Variants in STK32B observed in about 807,000 individuals in gnomAD.
The protein encoded by STK32B is serine/threonine-protein kinase 32B.
A neutral mutation model predicts 52.6 loss-of-function variants in STK32B; 43 were observed. That is an observed-to-expected ratio of 0.82 (90% CI 0.64 to 1.05). The LOEUF is 1.05. Ranked by LOEUF, STK32B falls within the 50% of genes least tolerant of loss-of-function variation. The pLI, the probability that STK32B is intolerant of heterozygous loss-of-function variation, is 0.00. For synonymous variants in STK32B, 238 were observed against 204.3 expected (o/e 1.17, Z -1.41); for missense variants, 621 against 534.6 (o/e 1.16, Z -1.59).
At chr4:5,490,868 C>CCAATTT (rs1719669894) in intron 11 of STK32B, among the ~76,000 whole-genome samples, 1 of 152,110 alleles carries the variant, frequency 6.6e-6, no homozygotes, top group Non-Finnish European at 1.5e-5. Flanking sequence ...ATGATGATTT[C>CCAATTT]CAATTTCATC....
chr4:5,189,680 T>C (rs184492513), intron 3 of STK32B, among the ~76,000 whole-genome samples: 229 of 152,218 alleles, frequency 1.5e-3, no homozygotes, highest in Non-Finnish European at 2.8e-3. Context: ...CTAAGGAAAA[T>C]GATTGCTGGA....
Position 5,055,867 on chromosome 4 carries a change from A to AT in STK32B, c.52+3961dup, listed in dbSNP as rs951030658. ...CATTCCAAATCCTTTTCCTTGCTTT[A>AT]TTTTTTTTTGTGGAAATTATCACCA... On this transcript the variant is annotated intron_variant, in intron 1 of 11. Coordinates refer to ENST00000282908, the MANE Select transcript of STK32B (RefSeq NM_018401.3). 4.9e-4 allele frequency among the ~76,000 whole-genome samples: 44 copies of AT among 90,564 alleles called. No homozygotes were observed. The East Asian group carries it at 7.3e-3, about 15-fold the overall frequency. The allele number at this position is 90,564 out of a possible 152,430, so 59.4% of individuals were successfully genotyped here.
Position 5,142,090 on chromosome 4 carries a change from A to T in STK32B, c.108+2130A>T, listed in dbSNP as rs575949179. ...TCTTCCGGTAGAGAAGGGCAGGAGG[A>T]TAGTTTGGGTGGGCACAGAAAAGTG... is the stretch of plus-strand genomic sequence containing the variant. On this transcript the variant is annotated intron_variant, in intron 2 of 11. Transcript: ENST00000282908. Among the ~76,000 whole-genome samples the T allele has an allele frequency of 1.1e-4, 17 of 152,282 alleles. No homozygotes were observed. The East Asian group carries it at 3.3e-3, about 29-fold the overall frequency.
At chr4:5,297,195 T>G (rs1489663302) in intron 3 of STK32B, among the ~76,000 whole-genome samples, 2 of 152,222 alleles carry the variant, frequency 1.3e-5, no homozygotes, top group Non-Finnish European at 2.9e-5. Flanking sequence ...CCTTTCTCTC[T>G]GGCTGCCCTT....
At chr4:5,155,408 C>G (rs964874897) in intron 2 of STK32B, among the ~76,000 whole-genome samples, 1 of 152,200 alleles carries the variant, frequency 6.6e-6, no homozygotes, top group Non-Finnish European at 1.5e-5. Flanking sequence ...TGTTTTATCC[C>G]TAGCTCCTGC....
Position 5,378,740 on chromosome 4 carries a change from G to A in STK32B, c.435-19467G>A, listed in dbSNP as rs1735739942. Among the ~76,000 whole-genome samples, 2 of 152,176 alleles carry A rather than the reference G, an allele frequency of 1.3e-5. No individual in the cohort carries two copies. The highest frequency in any genetic ancestry group is 1.3e-4 in the Admixed American group (2 of 15,282). ...CATTTTAGTCAGCACACCTGCTGCT[G>A]GTTGGTGGAAATGTCTTTGAGAAAC... On this transcript the variant is annotated intron_variant, in intron 4 of 11. Transcript: ENST00000282908. The surrounding 1 kb of genome is among the most constrained non-coding windows in gnomAD (Gnocchi z 4.4).
chr4:5,221,612 C>G (rs531299356), intron 3 of STK32B, among the ~76,000 whole-genome samples: 2 of 152,272 alleles, frequency 1.3e-5, no homozygotes, highest in East Asian at 3.9e-4. Context: ...TTCATTCCTA[C>G]TATGGTTTTA....
chr4:5,286,271 C>T (rs1244696062), intron 3 of STK32B, among the ~76,000 whole-genome samples: 1 of 152,188 alleles, frequency 6.6e-6, no homozygotes, highest in Non-Finnish European at 1.5e-5. Flanking sequence ...CAAAACTAGA[C>T]TTCTCAATAA....
chr4:5,308,584 GTCAC>G (rs1190810050), intron 3 of STK32B, among the ~76,000 whole-genome samples: 4 of 152,126 alleles, frequency 2.6e-5, no homozygotes, highest in African/African-American at 7.2e-5. Flanking sequence ...CATTCATTTA[GTCAC>G]TCATTCATAT....
intron 1 of STK32B, among the ~76,000 whole-genome samples, chr4:5,101,793 G>A (rs1056157720): frequency 6.6e-6 from 1 of 152,148 alleles, no homozygotes; most frequent in African/African-American, 2.4e-5. Context: ...ACTCAGAAGC[G>A]TGCCTTTCAA....
intron 8 of STK32B, among the ~76,000 whole-genome samples, chr4:5,457,681 A>G (rs1297390377): frequency 6.6e-6 from 1 of 151,118 alleles, no homozygotes; most frequent in African/African-American, 2.4e-5. Context: ...CAGCCTGGCC[A>G]GCATGGAGAA....
chr4:5,343,441 T>C (rs964467914), intron 4 of STK32B, among the ~76,000 whole-genome samples: 2 of 152,178 alleles, frequency 1.3e-5, no homozygotes, highest in African/African-American at 4.8e-5. Flanking sequence ...AGTAGCATGA[T>C]TTATAATCCT....
At chr4:5,081,187 A>G (rs1225731710) in intron 1 of STK32B, among the ~76,000 whole-genome samples, 3 of 152,130 alleles carry the variant, frequency 2.0e-5, no homozygotes, top group Admixed American at 1.3e-4. Context: ...TACGTTTAAT[A>G]TATATATACA....
intron 1 of STK32B, among the ~76,000 whole-genome samples, chr4:5,097,887 G>A (rs534103497): frequency 6.6e-6 from 1 of 152,314 alleles, no homozygotes; most frequent in East Asian, 1.9e-4. Flanking sequence ...GTCAGCTGGG[G>A]AGTTATGCTA....
chr4:5,198,366 A>T (rs1159088599), intron 3 of STK32B, among the ~76,000 whole-genome samples: 1 of 152,192 alleles, frequency 6.6e-6, no homozygotes, highest in East Asian at 1.9e-4. Flanking sequence ...TTGTAATCTG[A>T]TGGGGCATGG....
the STK32B span, among the ~76,000 whole-genome samples, chr4:5,044,151 C>T: frequency 6.6e-5 from 10 of 152,290 alleles, no homozygotes; most frequent in East Asian, 1.9e-4. Context: ...CCTGCCTCTG[C>T]GAGGGCTCTT....
chr4:5,421,744 AG>A (rs1349353460), intron 6 of STK32B, among the ~76,000 whole-genome samples: 1 of 152,228 alleles, frequency 6.6e-6, no homozygotes, highest in Admixed American at 6.5e-5. Flanking sequence ...TGCTTTCAAA[AG>A]GGAGAAGAAA....
rs1267216318 is a variant in STK32B at position 5,460,429 on chromosome 4, G to T, written c.909+201G>T. Among the ~76,000 whole-genome samples, 1 of 152,196 alleles carries T rather than the reference G, an allele frequency of 6.6e-6. No homozygotes were observed. Among genetic ancestry groups the T allele is most frequent in the Non-Finnish European group, 1.5e-5 (1 of 68,040 alleles). On this transcript the variant is annotated intron_variant, in intron 9 of 11. Transcript: ENST00000282908. The surrounding 1 kb of genome is among the most constrained non-coding windows in gnomAD (Gnocchi z 4.8). Reference sequence around the variant, plus strand: ...CAGCCGTACAGCTTCCCTCCTTGTGGTAGGTCCTTTGGGGGTGCCAAGCCT... The same window carrying T: ...CAGCCGTACAGCTTCCCTCCTTGTGTTAGGTCCTTTGGGGGTGCCAAGCCT...
intron 4 of STK32B, among the ~76,000 whole-genome samples, chr4:5,341,257 C>G (rs1271025083): frequency 6.6e-6 from 1 of 152,178 alleles, no homozygotes; most frequent in Non-Finnish European, 1.5e-5. Context: ...GGTCACACAG[C>G]TAGTTAGCAG....
Sources: allele counts gnomAD v4.1 joint callset (sites outside exome capture counted in the v4.1 genomes callset), GRCh38; gene constraint gnomAD v4.1.1; non-coding constraint Gnocchi (gnomAD v3.1); transcripts MANE v1.5; gene names NCBI Gene and HGNC (gene_info 2026-07-23, HGNC 2026-07-21).